PROS1: variants seen among roughly 807,000 people sequenced by gnomAD.
PROS1 encodes vitamin K-dependent protein S.
PROS1 carries 29 observed loss-of-function variants against 75.9 expected under a neutral mutation model. That is an observed-to-expected ratio of 0.38 (90% CI 0.28 to 0.52). The LOEUF (loss-of-function observed/expected upper bound fraction) is 0.52, where lower values mean the gene tolerates loss of function less well. Ranked by LOEUF, PROS1 falls within the 20% of genes least tolerant of loss-of-function variation. The pLI is 0.83. For missense variants in PROS1, 680 were observed against 810.3 expected, an observed-to-expected ratio of 0.84 and a Z score of 1.95; for synonymous variants, 245 against 280.6, an observed-to-expected ratio of 0.87 and a Z score of 1.27.
At chr3:93,899,490 T>A (rs1708553696) in intron 7 of PROS1, among the ~76,000 whole-genome samples, 1 of 152,148 alleles carries the variant, frequency 6.6e-6, no homozygotes. Context: ...TTAAAAAATA[T>A]GTCATTCATT....
chr3:93,916,515 G>A (rs1708851745), intron 3 of PROS1, among the ~76,000 whole-genome samples: 1 of 152,172 alleles, frequency 6.6e-6, no homozygotes, highest in South Asian at 2.1e-4. Flanking sequence ...ATTACAGTGT[G>A]AAGAGCCATT....
At chr3:93,880,326 T>A (rs1341735462) in intron 12 of PROS1, among the ~76,000 whole-genome samples, 1 of 151,794 alleles carries the variant, frequency 6.6e-6, no homozygotes, top group Non-Finnish European at 1.5e-5. Context: ...TGGTGAAACA[T>A]CTCTACTGAA....
At chr3:93,924,195 C>A (rs372824768) in intron 3 of PROS1, 45 bp downstream of exon 3, 1 of 1,225,638 alleles carries the variant, frequency 8.2e-7, no homozygotes, top group South Asian at 1.6e-5. Flanking sequence ...TATCTAAGTT[C>A]CCTTCCATTT....
chr3:93,937,937 G>C (rs530988057), intron 1 of PROS1, among the ~76,000 whole-genome samples: 1 of 152,274 alleles, frequency 6.6e-6, no homozygotes, highest in African/African-American at 2.4e-5. Flanking sequence ...GCCTCAGAAA[G>C]ACTTTAACAC....
In PROS1 at chr3:93,874,384, G is replaced by C; in HGVS notation, c.1892C>G (p.Pro631Arg). 2 of 1,613,282 alleles carry C rather than the reference G, an allele frequency of 1.2e-6. No individual in the cohort carries two copies. ...GLPDVPFSAT[P>R]VNAFYNGCME... Reference sequence around the variant, plus strand: ...GCAGCCATTATAAAAGGCATTCACTGGTGTGGCACTGAATGGAACATCTGT... The same window carrying C: ...GCAGCCATTATAAAAGGCATTCACTCGTGTGGCACTGAATGGAACATCTGT... The change falls in exon 15 of 15, where the codon CCA becomes CGA. Residue 631 changes from proline (P) to arginine (R), a missense_variant. Coordinates refer to ENST00000394236, the MANE Select transcript of PROS1 (RefSeq NM_000313.4).
intron 6 of PROS1, among the ~76,000 whole-genome samples, chr3:93,903,857 C>T (rs1445127116): frequency 3.3e-5 from 5 of 151,522 alleles, no homozygotes; most frequent in Non-Finnish European, 7.4e-5. Flanking sequence ...GGTACATGTG[C>T]ACATTGTGCA....
chr3:93,917,138 G>C (rs971748928), intron 3 of PROS1, among the ~76,000 whole-genome samples: 1 of 152,172 alleles, frequency 6.6e-6, no homozygotes, highest in Non-Finnish European at 1.5e-5. Context: ...AGTATATTAT[G>C]ATCGCTGGTG....
intron 12 of PROS1, among the ~76,000 whole-genome samples, chr3:93,881,638 C>A (rs761261571): frequency 1.1e-4 from 16 of 143,688 alleles, no homozygotes; most frequent in Non-Finnish European, 1.5e-4. Context: ...TGGCTCTCTG[C>A]TGTGTCAACA....
intron 1 of PROS1, among the ~76,000 whole-genome samples, chr3:93,961,373 A>G (rs1709703516): frequency 6.6e-6 from 1 of 152,184 alleles, no homozygotes; most frequent in Admixed American, 6.5e-5. Flanking sequence ...TTTAAAATTG[A>G]TTTTATAGAA....
chr3:93,914,489 A>T (rs1309455363), intron 3 of PROS1, among the ~76,000 whole-genome samples: 1 of 152,164 alleles, frequency 6.6e-6, no homozygotes, highest in African/African-American at 2.4e-5. Flanking sequence ...CTGAAATTCA[A>T]GCAGCAGAGT....
chr3:93,907,308 G>A (rs988369021), intron 4 of PROS1, among the ~76,000 whole-genome samples: 7 of 152,144 alleles, frequency 4.6e-5, no homozygotes, highest in Admixed American at 1.3e-4. Flanking sequence ...GGCCTCCCAT[G>A]TACTGGGAGC....
chr3:93,896,205 A>T (rs1708499274), intron 9 of PROS1, among the ~76,000 whole-genome samples: 1 of 152,210 alleles, frequency 6.6e-6, no homozygotes, highest in African/African-American at 2.4e-5. Context: ...TTCTAAAAGC[A>T]ATACTGAGTA....
chr3:93,876,722 T>C lies in PROS1; in HGVS notation c.1870+244A>G, dbSNP rs550000743. Among the ~76,000 whole-genome samples the C allele has an allele frequency of 5.2e-4, 78 of 150,498 alleles. No individual in the cohort carries two copies. The highest frequency in any genetic ancestry group is 8.9e-4 in the Non-Finnish European group (60 of 67,712). On this transcript the variant is annotated intron_variant, in intron 14 of 14. Coordinates refer to ENST00000394236, the MANE Select transcript of PROS1 (RefSeq NM_000313.4). ...TGTGATGATGAAATAAAATAACATA[T>C]CCTTTCTGGCTGGGATAGCCAAATG...
At chr3:93,882,080 AAAT>A (rs1171548528) in intron 12 of PROS1, among the ~76,000 whole-genome samples, 1 of 152,208 alleles carries the variant, frequency 6.6e-6, no homozygotes, top group Non-Finnish European at 1.5e-5. Flanking sequence ...GAAATTAGAG[AAAT>A]AATATTAATA....
At chr3:93,969,499 C>T (rs191544136) in intron 1 of PROS1, among the ~76,000 whole-genome samples, 1 of 152,166 alleles carries the variant, frequency 6.6e-6, no homozygotes, top group South Asian at 2.1e-4. Context: ...AGTGAGCTGT[C>T]GATCACAGGA....
intron 4 of PROS1, among the ~76,000 whole-genome samples, chr3:93,910,329 C>T (rs1198548765): frequency 6.6e-6 from 1 of 152,124 alleles, no homozygotes; most frequent in African/African-American, 2.4e-5. Context: ...TATGCAACAA[C>T]AGCCAAAATA....
At chr3:93,900,447 T>C (rs1708574757) in intron 7 of PROS1, among the ~76,000 whole-genome samples, 1 of 152,234 alleles carries the variant, frequency 6.6e-6, no homozygotes, top group South Asian at 2.1e-4. Context: ...TTTTTAAGCT[T>C]GTGTCTTTCT....
At chr3:93,907,373 T>C (rs549278564) in intron 4 of PROS1, among the ~76,000 whole-genome samples, 1 of 152,116 alleles carries the variant, frequency 6.6e-6, no homozygotes, top group East Asian at 1.9e-4. Context: ...CAGGCCCTCC[T>C]CTGCTGAGAG....
chr3:93,965,678 AC>A (rs1709778019), intron 1 of PROS1, among the ~76,000 whole-genome samples: 2 of 151,992 alleles, frequency 1.3e-5, no homozygotes, highest in Admixed American at 6.6e-5. Context: ...CCCGGTAACA[AC>A]CTGATACTTT....
Sources: allele counts gnomAD v4.1 joint callset (sites outside exome capture counted in the v4.1 genomes callset), GRCh38; gene constraint gnomAD v4.1.1; transcripts MANE v1.5; gene names NCBI Gene and HGNC (gene_info 2026-07-23, HGNC 2026-07-21).